Variants in MINAR2 observed in about 807,000 individuals in gnomAD.
MINAR2 encodes major intrinsically disordered NOTCH2-binding receptor 1-like.
MINAR2 carries 21 observed loss-of-function variants against 16.1 expected under a neutral mutation model. The ratio of observed to expected loss-of-function variants is 1.31; its 90% CI spans 0.93 to 1.88. The LOEUF (loss-of-function observed/expected upper bound fraction) is 1.88. MINAR2 is among the 40% of genes most tolerant of loss of function. MINAR2 has a pLI of 0.00. For missense variants in MINAR2, 259 were observed against 229.8 expected, an observed-to-expected ratio of 1.13 and a Z score of -0.82; for synonymous variants, 86 against 83.0, an observed-to-expected ratio of 1.04 and a Z score of -0.20.
Position 129,748,128 on chromosome 5 carries a change from AT to A in MINAR2, c.-62del. On this transcript the variant is annotated 5_prime_UTR_variant, in exon 1 of 3. An upstream start codon of the reference 5' UTR is lost. Coordinates refer to ENST00000564719, the MANE Select transcript of MINAR2 (RefSeq NM_001257308.2). ...CAGAGCATCCTCAGGCACATTAATAATGGAGGAGTCTGACAAGAGCAGCTTT... is the reference window on the plus strand; with the variant it reads ...CAGAGCATCCTCAGGCACATTAATAAGGAGGAGTCTGACAAGAGCAGCTTT... 6.9e-7 allele frequency: 1 copy of A among 1,448,350 alleles called. No individual in the cohort carries two copies. Among genetic ancestry groups the A allele is most frequent in the South Asian group, 1.3e-5 (1 of 77,546 alleles). The allele number at this position is 1,448,350 out of a possible 1,614,324, so 89.7% of individuals were successfully genotyped here.
chr5:129,750,581 A>G (rs1431263671), intron 1 of MINAR2, among the ~76,000 whole-genome samples: 1 of 152,208 alleles, frequency 6.6e-6, no homozygotes, highest in Non-Finnish European at 1.5e-5. Context: ...TATTTCCTTA[A>G]AAGTGAGAGC....
At chr5:129,762,168 C>T (rs923826847) in intron 2 of MINAR2, among the ~76,000 whole-genome samples, 2 of 151,486 alleles carry the variant, frequency 1.3e-5, no homozygotes, top group Admixed American at 1.3e-4. Flanking sequence ...TATCCCATAA[C>T]ATAAAGTAAA....
At chr5:129,748,567 C>T (rs1198922687) in intron 1 of MINAR2, among the ~76,000 whole-genome samples, 2 of 152,134 alleles carry the variant, frequency 1.3e-5, no homozygotes, top group African/African-American at 2.4e-5. Flanking sequence ...ATTAATTCCC[C>T]TCCTAGCATT....
chr5:129,766,057 A>G lies in MINAR2; in HGVS notation c.*994A>G, dbSNP rs953065866. Reference sequence around the variant, plus strand: ...TATTAATTTATGCTAGCTAATTGACAACCTGAGTTTACCTTCCATTGTCTG... The same window carrying G: ...TATTAATTTATGCTAGCTAATTGACGACCTGAGTTTACCTTCCATTGTCTG... On this transcript the variant is annotated 3_prime_UTR_variant, in exon 3 of 3. Transcript: ENST00000564719. 8 of 152,322 alleles carry G rather than the reference A, an allele frequency of 5.3e-5. No individual in the cohort carries two copies. Among genetic ancestry groups the G allele is most frequent in the African/African-American group, 1.9e-4 (8 of 41,576 alleles). The allele number at this position is 152,322 out of a possible 1,614,324, so 9.4% of individuals were successfully genotyped here.
rs151113824 is a variant in MINAR2 at position 129,758,115 on chromosome 5, A to G, written c.166-2263A>G. The stretch of plus-strand genomic sequence containing the variant: ...GAATAAAGTTATGCTTAATACAGAA[A>G]AGCCTAGGTAAGCTTTGAAGTGTTA... On this transcript the variant is annotated intron_variant, in intron 1 of 2. Coordinates refer to ENST00000564719, the MANE Select transcript of MINAR2 (RefSeq NM_001257308.2). Among the ~76,000 whole-genome samples, 355 of 152,102 alleles carry G rather than the reference A, an allele frequency of 2.3e-3. 5 individuals are homozygous for G. The highest frequency in any genetic ancestry group is 5.5e-4 in the Non-Finnish European group (37 of 67,858).
Position 129,765,103 on chromosome 5 carries a change from A to T in MINAR2, c.*40A>T, listed in dbSNP as rs776205284. ...TCAGAGCTACTTTAAATTTCCTAAA[A>T]ATTTTTCTGATAAACATTTGAAACC... On this transcript the variant is annotated 3_prime_UTR_variant, in exon 3 of 3. Transcript: ENST00000564719. 4.1e-6 allele frequency: 5 copies of T among 1,215,214 alleles called. No homozygotes were observed. Among genetic ancestry groups the T allele is most frequent in the Admixed American group, 4.3e-5 (1 of 23,294 alleles). The allele number at this position is 1,215,214 out of a possible 1,614,324, so 75.3% of individuals were successfully genotyped here. A position where few individuals can be genotyped will look rare whatever the true frequency, so the allele number is the denominator to read the frequency against.
At chr5:129,751,874 A>T (rs1171538367) in intron 1 of MINAR2, among the ~76,000 whole-genome samples, 1 of 152,186 alleles carries the variant, frequency 6.6e-6, no homozygotes, top group African/African-American at 2.4e-5. Flanking sequence ...GTGATAAAAT[A>T]ATGTGTTTTT....
chr5:129,751,954 C>A (rs1175986433), intron 1 of MINAR2, among the ~76,000 whole-genome samples: 1 of 151,976 alleles, frequency 6.6e-6, no homozygotes, highest in Non-Finnish European at 1.5e-5. Context: ...ATTTATGCAG[C>A]CAACAAACGT....
At chr5:129,750,405 C>T (rs1757972064) in intron 1 of MINAR2, among the ~76,000 whole-genome samples, 1 of 152,136 alleles carries the variant, frequency 6.6e-6, no homozygotes, top group African/African-American at 2.4e-5. Context: ...GCTCACACTC[C>T]ATTGGGGAGT....
At position 129,752,982 on chromosome 5, in the gene MINAR2, A is replaced by G. The variant is rs192730807; in HGVS notation, c.165+4627A>G. 3.0e-4 allele frequency among the ~76,000 whole-genome samples: 45 copies of G among 152,242 alleles called. No individual in the cohort carries two copies. In the East Asian group the frequency reaches 5.2e-3, roughly 18 times the overall value. On this transcript the variant is annotated intron_variant, in intron 1 of 2. Transcript: ENST00000564719. ...AGGCTGCTCTTCCATTGATTTCTAGACAATGTCATTTACTGAATTTATTTC... is the reference window on the plus strand; with the variant it reads ...AGGCTGCTCTTCCATTGATTTCTAGGCAATGTCATTTACTGAATTTATTTC...
chr5:129,760,430 G>A lies in MINAR2; in HGVS notation c.218G>A (p.Ser73Asn). The A allele has an allele frequency of 1.3e-6, 2 of 1,535,750 alleles. No homozygotes were observed. The highest frequency in any genetic ancestry group is 1.7e-6 in the Non-Finnish European group (2 of 1,146,576). Reference protein sequence around the residue: ...AQRIRGSSADSLVTADSPPPS... With the variant: ...AQRIRGSSADNLVTADSPPPS... ...CGAATTAGGGGATCCAGTGCAGACA[G>A]CCTTGTCACTGCTGATAGCCCCCCA... Residue 73 changes from serine (S) to asparagine (N), a missense_variant, in exon 2 of 3, where the codon AGC becomes AAC. Coordinates refer to ENST00000564719, the MANE Select transcript of MINAR2 (RefSeq NM_001257308.2).
rs571719756 is a variant in MINAR2 at position 129,765,715 on chromosome 5, A to G, written c.*652A>G. The G allele has an allele frequency of 2.6e-4, 39 of 152,316 alleles. No individual in the cohort carries two copies. The highest frequency in any genetic ancestry group is 8.7e-4 in the African/African-American group (36 of 41,574). 9.4% of individuals were successfully genotyped at this position (152,316 alleles called of 1,614,324 possible). On this transcript the variant is annotated 3_prime_UTR_variant, in exon 3 of 3. Transcript: ENST00000564719. The stretch of plus-strand genomic sequence containing the variant: ...GCAATTTTAATAGAATTAAACTTGG[A>G]TAGGCCATAGTTACATAATTAATTA...
chr5:129,749,575 T>G (rs893785776), intron 1 of MINAR2, among the ~76,000 whole-genome samples: 2 of 152,164 alleles, frequency 1.3e-5, no homozygotes, highest in African/African-American at 2.4e-5. Flanking sequence ...CGTTCTTTTT[T>G]TAAGTTTTAA....
intron 1 of MINAR2, among the ~76,000 whole-genome samples, chr5:129,749,027 T>C (rs1190490843): frequency 6.6e-6 from 1 of 152,188 alleles, no homozygotes. Context: ...TTCTTTTTGC[T>C]GACCAAAAGA....
At chr5:129,750,409 G>A (rs561958522) in intron 1 of MINAR2, among the ~76,000 whole-genome samples, 1 of 152,262 alleles carries the variant, frequency 6.6e-6, no homozygotes, top group South Asian at 2.1e-4. Context: ...ACACTCCATT[G>A]GGGAGTCAGT....
intron 1 of MINAR2, among the ~76,000 whole-genome samples, chr5:129,754,862 T>C (rs929686743): frequency 1.3e-5 from 2 of 152,176 alleles, no homozygotes; most frequent in African/African-American, 4.8e-5. Flanking sequence ...TCTTTTTGCA[T>C]TGCTTTGAGC....
At chr5:129,756,051 TA>T (rs1758050446) in intron 1 of MINAR2, among the ~76,000 whole-genome samples, 1 of 152,072 alleles carries the variant, frequency 6.6e-6, no homozygotes, top group South Asian at 2.1e-4. Flanking sequence ...AAATGTTTAT[TA>T]TTATTTCTTT....
chr5:129,761,234 T>G (rs777788067), intron 2 of MINAR2, among the ~76,000 whole-genome samples: 1 of 152,176 alleles, frequency 6.6e-6, no homozygotes. Context: ...CCCCATCACA[T>G]GAAAAACTTC....
At chr5:129,748,445 T>A in intron 1 of MINAR2, 90 bp downstream of exon 1, 1 of 1,355,658 alleles carries the variant, frequency 7.4e-7, no homozygotes, top group South Asian at 1.4e-5. Flanking sequence ...AAGAAGCCTA[T>A]AGGAACAGAG....
Sources: allele counts gnomAD v4.1 joint callset (sites outside exome capture counted in the v4.1 genomes callset), GRCh38; gene constraint gnomAD v4.1.1; transcripts MANE v1.5; gene names NCBI Gene and HGNC (gene_info 2026-07-23, HGNC 2026-07-21).